The following ZNF557 variants were observed in gnomAD, a reference collection of about 807,000 sequenced individuals.
ZNF557 encodes the protein zinc finger protein 557, also known as CTB-25J19.9.
A neutral mutation model predicts 21.2 loss-of-function variants in ZNF557; 19 were observed. That is an observed-to-expected ratio of 0.90 (90% confidence interval 0.63 to 1.32). The LOEUF (loss-of-function observed/expected upper bound fraction) is 1.32. ZNF557 is among the 40% of genes most tolerant of loss of function. ZNF557 has a pLI of 0.00. For synonymous variants in ZNF557, 207 were observed against 194.8 expected, an observed-to-expected ratio of 1.06 and a Z score of -0.52; for missense variants, 487 against 519.8, an observed-to-expected ratio of 0.94 and a Z score of 0.61.
intron 5 of ZNF557, 138 bp downstream of exon 5, chr19:7,076,645 G>T: frequency 5.4e-6 from 7 of 1,302,822 alleles, no homozygotes; most frequent in African/African-American, 1.5e-5. Flanking sequence ...GTGGCTTTTC[G>T]TAGGTTCACA....
Position 7,083,255 on chromosome 19 carries a change from G to A in ZNF557, c.804G>A (p.Gln268=). 1 of 1,614,222 alleles carries A rather than the reference G, an allele frequency of 6.2e-7. No individual in the cohort carries two copies. Among genetic ancestry groups the A allele is most frequent in the Non-Finnish European group, 8.5e-7 (1 of 1,180,032 alleles). ...HTGEKPYKCN[Q]CFREFRTQSI... is the part of the protein sequence containing the mutation. Reference sequence around the variant, plus strand: ...GAGAAAAACCGTACAAATGTAACCAGTGTTTTCGTGAGTTCCGCACTCAGT... The same window carrying A: ...GAGAAAAACCGTACAAATGTAACCAATGTTTTCGTGAGTTCCGCACTCAGT... Residue 268 remains glutamine (Q), a synonymous_variant, in exon 8 of 8, where the codon CAG becomes CAA. Transcript: ENST00000252840.
At position 7,079,444 on chromosome 19, in the gene ZNF557, G is replaced by T. The variant is rs537280305; in HGVS notation, c.248-1916G>T. 2.8e-5 allele frequency among the ~76,000 whole-genome samples: 4 copies of T among 143,794 alleles called. No homozygotes were observed. The South Asian group carries it at 6.7e-4, about 24-fold the overall frequency. 94.3% of individuals were successfully genotyped at this position (143,794 alleles called of 152,430 possible). A position where few individuals can be genotyped will look rare whatever the true frequency, so the allele number is the denominator to read the frequency against. ...ATTTAGTAGAGACAGGGTTCACCGT[G>T]TTAGCCAGGATGATCTCGATCTCCT... On this transcript the variant is annotated intron_variant, in intron 5 of 7. Coordinates refer to ENST00000252840, the MANE Select transcript of ZNF557 (RefSeq NM_024341.3).
Position 7,083,671 on chromosome 19 carries a change from ATTAT to A in ZNF557, c.1222_1225del (p.Tyr408AlafsTer33), listed in dbSNP as rs1325136072. The A allele has an allele frequency of 3.1e-6, 5 of 1,614,000 alleles. No individual in the cohort carries two copies. The highest frequency in any genetic ancestry group is 4.2e-6 in the Non-Finnish European group (5 of 1,180,012). On this transcript the variant is annotated frameshift_variant, in exon 8 of 8. Transcript: ENST00000252840. LOFTEE classifies it low-confidence loss of function (END_TRUNC). ...ACTGGAAAAAAACCCTATGAATGTA[ATTAT>A]TGCGGGAAATCCTTCACAAGTAACT...
chr19:7,078,034 T>C lies in ZNF557; in HGVS notation c.247+1527T>C, dbSNP rs77931255. Reference sequence around the variant, plus strand: ...GTTATTGAGTTGTAAGAGTTCTTTATATGTTCTGCATCCTAGACCTTTATC... The same window carrying C: ...GTTATTGAGTTGTAAGAGTTCTTTACATGTTCTGCATCCTAGACCTTTATC... On this transcript the variant is annotated intron_variant, in intron 5 of 7. Coordinates refer to ENST00000252840, the MANE Select transcript of ZNF557 (RefSeq NM_024341.3). 0.017 allele frequency among the ~76,000 whole-genome samples: 2,628 copies of C among 152,334 alleles called. 143 individuals are homozygous for C. In the East Asian group the frequency reaches 0.22, roughly 13 times the overall value.
rs11287183 is a variant in ZNF557, at chr19:7,087,537, CA to C, written c.*3808del. On this transcript the variant is annotated 3_prime_UTR_variant, in exon 8 of 8. Coordinates refer to ENST00000252840, the MANE Select transcript of ZNF557 (RefSeq NM_024341.3). ...GGGCAACAAGAGCAAAACTCCATCT[CA>C]AAAAAAAAAAAAAAGAAAGAAACAG... The C allele has an allele frequency of 0.82, 112,088 of 137,202 alleles. 45,266 individuals carry two copies. Among genetic ancestry groups the C allele is most frequent in the East Asian group, 0.92 (4,356 of 4,738 alleles). The allele number at this position is 137,202 out of a possible 1,614,324, so 8.5% of individuals were successfully genotyped here.
rs1265727220 is a variant in ZNF557 at position 7,085,633 on chromosome 19, G to A, written c.*1889G>A. 1 of 152,136 alleles carries A rather than the reference G, an allele frequency of 6.6e-6. No homozygotes were observed. The highest frequency in any genetic ancestry group is 1.5e-5 in the Non-Finnish European group (1 of 68,026). The allele number at this position is 152,136 out of a possible 1,614,324, so 9.4% of individuals were successfully genotyped here. A position where few individuals can be genotyped will look rare whatever the true frequency, so the allele number is the denominator to read the frequency against. ...GAGAATTCATTTAGAGGAAGCCCTA[G>A]GAACGTAATCAATGTTAGGATGCCT... On this transcript the variant is annotated 3_prime_UTR_variant, in exon 8 of 8. Coordinates refer to ENST00000252840, the MANE Select transcript of ZNF557 (RefSeq NM_024341.3).
intron 2 of ZNF557, among the ~76,000 whole-genome samples, chr19:7,073,157 G>GTTTTT (rs552141577): frequency 3.7e-5 from 5 of 136,062 alleles, no homozygotes; most frequent in African/African-American, 8.3e-5. Flanking sequence ...GGTTTTTTTT[G>GTTTTT]TTTTTTTTTT....
chr19:7,080,134 T>C (rs1419227211), intron 5 of ZNF557, among the ~76,000 whole-genome samples: 1 of 152,088 alleles, frequency 6.6e-6, no homozygotes, highest in African/African-American at 2.4e-5. Context: ...AAACCACATC[T>C]TTACTAAAAA....
At position 7,081,424 on chromosome 19, in the gene ZNF557, A is replaced by G. The variant is rs1481531394; in HGVS notation, c.312A>G (p.Glu104=). Residue 104 remains glutamate (E), a synonymous_variant, in exon 6 of 8, where the codon GAA becomes GAG. Transcript: ENST00000252840. ...QLEQEDKVMT[E]ERGILSGTCP... is the part of the protein sequence containing the mutation. ...AGCAAGAAGATAAAGTGATGACAGAAGAGAGAGGAATTCTCTCAGGTACCT... is the reference window on the plus strand; with the variant it reads ...AGCAAGAAGATAAAGTGATGACAGAGGAGAGAGGAATTCTCTCAGGTACCT... 2 of 1,613,754 alleles carry G rather than the reference A, an allele frequency of 1.2e-6. No individual in the cohort carries two copies. The highest frequency in any genetic ancestry group is 2.7e-5 in the African/African-American group (2 of 74,908).
chr19:7,087,833 G>T lies in ZNF557; in HGVS notation c.*4089G>T, dbSNP rs1977901878. On this transcript the variant is annotated 3_prime_UTR_variant, in exon 8 of 8. Coordinates refer to ENST00000252840, the MANE Select transcript of ZNF557 (RefSeq NM_024341.3). ...TGATTCTCTGAAAACAGTATACTAT[G>T]TATCTAATTTTTGGATACAGGATGG... 6.6e-6 allele frequency: 1 copy of T among 151,994 alleles called. No individual in the cohort carries two copies. Among genetic ancestry groups the T allele is most frequent in the Admixed American group, 6.6e-5 (1 of 15,248 alleles). The allele number at this position is 151,994 out of a possible 1,614,324, so 9.4% of individuals were successfully genotyped here. A position where few individuals can be genotyped will look rare whatever the true frequency, so the allele number is the denominator to read the frequency against.
In ZNF557 at chr19:7,085,472, TTAAGA is replaced by T. The variant is rs1403999909; in HGVS notation, c.*1732_*1736del. 1.3e-5 allele frequency: 2 copies of T among 152,184 alleles called. No individual in the cohort carries two copies. Among genetic ancestry groups the T allele is most frequent in the Non-Finnish European group, 2.9e-5 (2 of 68,044 alleles). The allele number at this position is 152,184 out of a possible 1,614,324, so 9.4% of individuals were successfully genotyped here. ...AGCTACCACTCTCAGCCAGAACTTC[TTAAGA>T]TAAAGGATGAGGGAATGTTTTCAGT... On this transcript the variant is annotated 3_prime_UTR_variant, in exon 8 of 8. Transcript: ENST00000252840.
chr19:7,085,328 A>G lies in ZNF557; in HGVS notation c.*1584A>G, dbSNP rs1237258037. On this transcript the variant is annotated 3_prime_UTR_variant, in exon 8 of 8. Transcript: ENST00000252840. ...GCTGGGACTGTAGGCATGCACCACC[A>G]TGCCTGTCTAGTTTTTGTAAAGATG... is the stretch of plus-strand genomic sequence containing the variant. The G allele has an allele frequency of 2.0e-5, 3 of 152,074 alleles. No individual in the cohort carries two copies. The highest frequency in any genetic ancestry group is 6.6e-5 in the Admixed American group (1 of 15,258). The allele number at this position is 152,074 out of a possible 1,614,324, so 9.4% of individuals were successfully genotyped here.
rs777271095 is a variant in ZNF557 at position 7,083,728 on chromosome 19, A to G, written c.1277A>G (p.His426Arg). The G allele has an allele frequency of 2.5e-6, 4 of 1,603,520 alleles. No individual in the cohort carries two copies. The highest frequency in any genetic ancestry group is 1.7e-5 in the Admixed American group (1 of 58,776). Residue 426 changes from histidine (H) to arginine (R), a missense_variant, in exon 8 of 8, where the codon CAT becomes CGT. Transcript: ENST00000252840. ...TACCTTTCTGTGCATACGAGAATGCATAATAGGCAAATGTGAATTCAATAA... is the reference window on the plus strand; with the variant it reads ...TACCTTTCTGTGCATACGAGAATGCGTAATAGGCAAATGTGAATTCAATAA... ...NSYLSVHTRM[H>R]NRQM is the part of the protein sequence containing the mutation.
chr19:7,081,554 A>T, intron 6 of ZNF557, 99 bp downstream of exon 6: 3 of 835,752 alleles, frequency 3.6e-6, no homozygotes, highest in Non-Finnish European at 1.9e-6. Context: ...TCAGTCAGAG[A>T]ACTGTGTAAA....
At chr19:7,073,936 A>C (rs950157645) in intron 2 of ZNF557, among the ~76,000 whole-genome samples, 11 of 151,592 alleles carry the variant, frequency 7.3e-5, no homozygotes, top group Non-Finnish European at 1.3e-4. Flanking sequence ...AACTCTTACA[A>C]GTCTCTAACT....
chr19:7,083,959 G>A lies in ZNF557; in HGVS notation c.*215G>A. 1.8e-6 allele frequency: 1 copy of A among 544,528 alleles called. No individual in the cohort carries two copies. Among genetic ancestry groups the A allele is most frequent in the East Asian group, 3.3e-5 (1 of 30,714 alleles). 33.7% of individuals were successfully genotyped at this position (544,528 alleles called of 1,614,324 possible). ...ATAGTTCTTCAGGATATCTCAAGAG[G>A]TTACAGTCCAGATGTCAGCAGAACT... On this transcript the variant is annotated 3_prime_UTR_variant, in exon 8 of 8. Transcript: ENST00000252840.
Position 7,083,672 on chromosome 19 carries a change from T to C in ZNF557, c.1221T>C (p.Asn407=). The C allele has an allele frequency of 2.5e-6, 4 of 1,614,076 alleles. No individual in the cohort carries two copies. The highest frequency in any genetic ancestry group is 3.4e-6 in the Non-Finnish European group (4 of 1,180,008). The change falls in exon 8 of 8, where the codon AAT becomes AAC. Residue 407 remains asparagine, a synonymous_variant. Coordinates refer to ENST00000252840, the MANE Select transcript of ZNF557 (RefSeq NM_024341.3). ...THTGKKPYEC[N]YCGKSFTSNS... is the part of the protein sequence containing the mutation. ...CTGGAAAAAAACCCTATGAATGTAA[T>C]TATTGCGGGAAATCCTTCACAAGTA... is the stretch of plus-strand genomic sequence containing the variant.
In ZNF557 at chr19:7,082,011, C is replaced by G. The variant is rs745872018; in HGVS notation, c.385C>G (p.Leu129Val). ...PFKAKGLTPKLHVFRKEQSRN... is the reference protein window; with the variant it reads ...PFKAKGLTPKVHVFRKEQSRN... ...TAAAGCCAAAGGGTTAACTCCTAAG[C>G]TGCATGTTTTTCGAAAAGAACAATC... is the stretch of plus-strand genomic sequence containing the variant. The change falls in exon 7 of 8, where the codon CTG becomes GTG. Residue 129 changes from leucine to valine, a missense_variant. Coordinates refer to ENST00000252840, the MANE Select transcript of ZNF557 (RefSeq NM_024341.3). 5.0e-6 allele frequency: 8 copies of G among 1,613,842 alleles called. No homozygotes were observed. The South Asian group carries it at 8.8e-5, about 18-fold the overall frequency.
chr19:7,081,381 G>A lies in ZNF557; in HGVS notation c.269G>A (p.Arg90Lys). 1 of 1,613,856 alleles carries A rather than the reference G, an allele frequency of 6.2e-7. No homozygotes were observed. The highest frequency in any genetic ancestry group is 1.1e-5 in the South Asian group (1 of 91,046). Residue 90 changes from arginine (R) to lysine (K), a missense_variant, in exon 6 of 8, where the codon AGG becomes AAG. Arg to Lys is a conservative substitution (Grantham distance 26). Coordinates refer to ENST00000252840, the MANE Select transcript of ZNF557 (RefSeq NM_024341.3). ...ACAGGGAACCAAGTTGATAAACCTAGGCTGATCTCCCAGCTGGAGCAAGAA... is the reference window on the plus strand; with the variant it reads ...ACAGGGAACCAAGTTGATAAACCTAAGCTGATCTCCCAGCTGGAGCAAGAA... ...ASLGNQVDKP[R>K]LISQLEQEDK...
Sources: allele counts gnomAD v4.1 joint callset (sites outside exome capture counted in the v4.1 genomes callset), GRCh38; gene constraint gnomAD v4.1.1; transcripts MANE v1.5; gene names NCBI Gene and HGNC (gene_info 2026-07-23, HGNC 2026-07-21).